The following SAMD5 variants were observed in gnomAD, a reference collection of about 807,000 sequenced individuals.
SAMD5 encodes the protein sterile alpha motif domain-containing protein 5.
Under a neutral mutation model 11.3 loss-of-function variants are expected in SAMD5, and 13 were observed. The observed-to-expected ratio is 1.15, with a 90% CI of 0.75 to 1.83. The LOEUF is 1.83. SAMD5 is among the 40% of genes most tolerant of loss of function. The pLI, the probability that SAMD5 is intolerant of heterozygous loss-of-function variation, is 0.00. For missense variants in SAMD5, 255 were observed against 239.1 expected, an observed-to-expected ratio of 1.07 and a Z score of -0.44; for synonymous variants, 129 against 111.3, an observed-to-expected ratio of 1.16 and a Z score of -1.00.
chr6:147,640,355 G>A (rs999542064), intron 1 of SAMD5, among the ~76,000 whole-genome samples: 3 of 151,016 alleles, frequency 2.0e-5, no homozygotes, highest in Admixed American at 2.0e-4. Flanking sequence ...AAAATTGCCG[G>A]GTGTGGTGGT....
At chr6:147,906,031 A>G in the SAMD5 span, among the ~76,000 whole-genome samples, 1 of 152,218 alleles carries the variant, frequency 6.6e-6, no homozygotes, top group African/African-American at 2.4e-5. Context: ...GTGGCCCTGG[A>G]CAGTTTATAA....
chr6:147,807,991 C>G, the SAMD5 span, among the ~76,000 whole-genome samples: 1 of 152,252 alleles, frequency 6.6e-6, no homozygotes, highest in Middle Eastern at 3.4e-3. Flanking sequence ...AAATAAAAAT[C>G]TGATCCTCAT....
chr6:147,541,828 C>T (rs1788609595), intron 1 of SAMD5, among the ~76,000 whole-genome samples: 1 of 152,150 alleles, frequency 6.6e-6, no homozygotes, highest in Admixed American at 6.5e-5. Context: ...GAGAAGTCTC[C>T]CAAACCAGGA....
chr6:147,848,675 A>C, the SAMD5 span, among the ~76,000 whole-genome samples: 1 of 152,170 alleles, frequency 6.6e-6, no homozygotes, highest in Non-Finnish European at 1.5e-5. Flanking sequence ...GGCTTTGCCT[A>C]GAAATGTTGT....
the SAMD5 span, among the ~76,000 whole-genome samples, chr6:147,818,400 T>A: frequency 4.0e-4 from 61 of 152,364 alleles, 1 homozygote; most frequent in African/African-American, 1.2e-3. Context: ...CACATACATG[T>A]GTCAAAACTT....
chr6:147,552,755 A>T (rs1317066540), intron 1 of SAMD5, among the ~76,000 whole-genome samples: 1 of 152,210 alleles, frequency 6.6e-6, no homozygotes, highest in East Asian at 1.9e-4. Flanking sequence ...CTGTGTTTTT[A>T]AAAACAATTA....
chr6:147,800,843 G>T, the SAMD5 span, among the ~76,000 whole-genome samples: 18 of 152,020 alleles, frequency 1.2e-4, no homozygotes, highest in Non-Finnish European at 2.2e-4. Context: ...GTGCATTTGT[G>T]TAACAAATAC....
intron 1 of SAMD5, among the ~76,000 whole-genome samples, chr6:147,521,230 A>G (rs1208094744): frequency 1.3e-5 from 2 of 152,010 alleles, no homozygotes; most frequent in East Asian, 1.9e-4. Flanking sequence ...ATAGTTTTAT[A>G]TTTGTGGCTT....
intron 1 of SAMD5, among the ~76,000 whole-genome samples, chr6:147,619,089 C>T (rs1789918579): frequency 6.6e-6 from 1 of 152,200 alleles, no homozygotes; most frequent in South Asian, 2.1e-4. Context: ...CAGCACCCGG[C>T]CTTTCCTGCT....
At chr6:147,802,408 C>G in the SAMD5 span, among the ~76,000 whole-genome samples, 2 of 151,088 alleles carry the variant, frequency 1.3e-5, no homozygotes, top group Non-Finnish European at 3.0e-5. Context: ...ACGAATAGCA[C>G]CAAATTTTTG....
At chr6:147,778,166 G>A in the SAMD5 span, among the ~76,000 whole-genome samples, 1 of 152,096 alleles carries the variant, frequency 6.6e-6, no homozygotes, top group African/African-American at 2.4e-5. Context: ...AGAGGGTGTG[G>A]GGTTCTCGTC....
At chr6:147,638,290 G>A (rs973187323) in intron 1 of SAMD5, among the ~76,000 whole-genome samples, 10 of 152,172 alleles carry the variant, frequency 6.6e-5, no homozygotes, top group African/African-American at 1.9e-4. Flanking sequence ...AGGAGCATTA[G>A]CATTAGTCCA....
intron 1 of SAMD5, among the ~76,000 whole-genome samples, chr6:147,626,104 T>C (rs1232187186): frequency 6.6e-6 from 1 of 152,160 alleles, no homozygotes; most frequent in Non-Finnish European, 1.5e-5. Flanking sequence ...TTGACAGTGC[T>C]GGCCTTACTT....
In SAMD5 at chr6:147,555,333, A is replaced by G. The variant is rs187911166; in HGVS notation, c.460-9061A>G. 4.1e-3 allele frequency among the ~76,000 whole-genome samples: 622 copies of G among 152,326 alleles called. 3 individuals carry two copies. Among genetic ancestry groups the G allele is most frequent in the African/African-American group, 0.014 (583 of 41,578 alleles). ...TTTTCACTTGAAAGAACAACTGAGA[A>G]CAAGCCATGCTTATTTAGACTTGGG... On this transcript the variant is annotated intron_variant, in intron 1 of 1. Transcript: ENST00000367474.
At chr6:147,722,733 T>G (rs1791573342) in intron 1 of SAMD5, among the ~76,000 whole-genome samples, 1 of 152,214 alleles carries the variant, frequency 6.6e-6, no homozygotes, top group Admixed American at 6.5e-5. Context: ...TGCCTTGTTA[T>G]TTTTGATTGA....
At chr6:147,543,018 G>A (rs1011103443) in intron 1 of SAMD5, among the ~76,000 whole-genome samples, 10 of 152,084 alleles carry the variant, frequency 6.6e-5, no homozygotes, top group Middle Eastern at 3.4e-3. Context: ...TTGCAAAGAC[G>A]GTTTCAGGAT....
chr6:147,847,859 A>C, the SAMD5 span, among the ~76,000 whole-genome samples: 2 of 152,118 alleles, frequency 1.3e-5, no homozygotes, highest in East Asian at 3.9e-4. Context: ...TCTCAAAAAA[A>C]CAAAAAACAA....
chr6:147,525,580 G>A (rs1016719940), intron 1 of SAMD5, among the ~76,000 whole-genome samples: 1 of 152,014 alleles, frequency 6.6e-6, no homozygotes, highest in African/African-American at 2.4e-5. Context: ...ACTTGGCATT[G>A]TTGTTACTGG....
At chr6:147,793,938 C>T in the SAMD5 span, among the ~76,000 whole-genome samples, 1 of 152,122 alleles carries the variant, frequency 6.6e-6, no homozygotes, top group Non-Finnish European at 1.5e-5. Context: ...TTGCTGGTAC[C>T]TGCAAGACAG....
Sources: allele counts gnomAD v4.1 joint callset (sites outside exome capture counted in the v4.1 genomes callset), GRCh38; gene constraint gnomAD v4.1.1; transcripts MANE v1.5; gene names NCBI Gene and HGNC (gene_info 2026-07-23, HGNC 2026-07-21).